The following AKAP7 variants were observed in gnomAD, a reference collection of about 807,000 sequenced individuals.
AKAP7 encodes the protein A-kinase anchoring protein 7.
A neutral mutation model predicts 39.5 loss-of-function variants in AKAP7; 39 were observed. The observed-to-expected ratio is 0.99, with a 90% confidence interval of 0.76 to 1.29. The LOEUF is 1.29. Ranked by LOEUF, AKAP7 falls within the 50% of genes most tolerant of loss-of-function variation. The pLI is 0.00. For missense variants in AKAP7, 414 were observed against 407.7 expected (o/e 1.02, Z -0.13); for synonymous variants, 140 against 139.1 (o/e 1.01, Z -0.05).
upstream of AKAP7, among the ~76,000 whole-genome samples, chr6:131,133,843 G>A (rs116858925): frequency 2.0e-5 from 3 of 152,358 alleles, no homozygotes; most frequent in Non-Finnish European, 2.9e-5. Flanking sequence ...AAAGTGTGGA[G>A]AGGCTAGACA....
intron 7 of AKAP7, among the ~76,000 whole-genome samples, chr6:131,229,185 A>G (rs985398347): frequency 3.3e-5 from 5 of 152,240 alleles, no homozygotes; most frequent in African/African-American, 1.2e-4. Context: ...TTGCAAATAA[A>G]CAAGTAAACC....
intron 7 of AKAP7, among the ~76,000 whole-genome samples, chr6:131,240,983 G>A (rs1201882782): frequency 6.6e-6 from 1 of 152,190 alleles, no homozygotes; most frequent in African/African-American, 2.4e-5. Context: ...TCAGTTGGAA[G>A]TGCAGAAATC....
intron 2 of AKAP7, among the ~76,000 whole-genome samples, chr6:131,153,103 C>T (rs1391582028): frequency 1.4e-5 from 2 of 145,616 alleles, no homozygotes; most frequent in African/African-American, 2.6e-5. Flanking sequence ...GCACTCCAGC[C>T]TGGACGACAG....
intron 6 of AKAP7, among the ~76,000 whole-genome samples, chr6:131,219,289 CA>C (rs755215493): frequency 0.064 from 4,627 of 72,612 alleles, 168 homozygotes; most frequent in East Asian, 0.27. Flanking sequence ...CACTCCATTT[CA>C]AAAAAAAAAA....
chr6:131,169,944 TC>T lies in AKAP7; in HGVS notation c.589+672del, dbSNP rs537849668. Among the ~76,000 whole-genome samples the T allele has an allele frequency of 7.3e-4, 111 of 152,060 alleles. 1 individual carries two copies. The highest frequency in any genetic ancestry group is 1.4e-3 in the Non-Finnish European group (93 of 67,988). On this transcript the variant is annotated intron_variant, in intron 5 of 7. Transcript: ENST00000431975. ...ACTTTTATCTGTGTTTTTTTTTCTT[TC>T]TATCTATTATTCCTTCTTTGCTTTT... is the stretch of plus-strand genomic sequence containing the variant.
At chr6:131,199,371 G>A (rs1455540071) in intron 5 of AKAP7, 90 bp from the exon 6 acceptor site, 1 of 839,456 alleles carries the variant, frequency 1.2e-6, no homozygotes, top group Non-Finnish European at 1.9e-6. Context: ...AAAATAATTA[G>A]TGATTGTTTG....
intron 2 of AKAP7, among the ~76,000 whole-genome samples, chr6:131,153,143 A>AAAG (rs1554382800): frequency 1.3e-5 from 2 of 151,428 alleles, no homozygotes; most frequent in Non-Finnish European, 2.9e-5. Context: ...AAAAAAAAAA[A>AAAG]AGAGAGAGAG....
At chr6:131,251,365 C>T (rs1447871417) in intron 7 of AKAP7, among the ~76,000 whole-genome samples, 2 of 152,112 alleles carry the variant, frequency 1.3e-5, no homozygotes, top group South Asian at 2.1e-4. Context: ...CTAGTTGCCC[C>T]GAAATAGGGA....
chr6:131,282,424 CTTAA>C lies in AKAP7; in HGVS notation c.*704_*707del, dbSNP rs1311598302. On this transcript the variant is annotated 3_prime_UTR_variant, in exon 8 of 8. Coordinates refer to ENST00000431975, the MANE Select transcript of AKAP7 (RefSeq NM_016377.4). ...GCAAGAAACCTATTGGAATTCGAGA[CTTAA>C]TTAATGAAGCTTTGCATCGAGAAAC... The C allele has an allele frequency of 1.1e-5, 16 of 1,510,666 alleles. No homozygotes were observed. The highest frequency in any genetic ancestry group is 8.3e-5 in the African/African-American group (6 of 72,242). The allele number at this position is 1,510,666 out of a possible 1,614,324, so 93.6% of individuals were successfully genotyped here. A position where few individuals can be genotyped will look rare whatever the true frequency, so the allele number is the denominator to read the frequency against.
chr6:131,183,444 A>G (rs1805488016), intron 5 of AKAP7, among the ~76,000 whole-genome samples: 2 of 152,200 alleles, frequency 1.3e-5, no homozygotes, highest in Non-Finnish European at 2.9e-5. Context: ...AGGTCCAGGA[A>G]GAACAAAAAG....
At chr6:131,254,147 A>C (rs1283833475) in intron 7 of AKAP7, among the ~76,000 whole-genome samples, 2 of 152,220 alleles carry the variant, frequency 1.3e-5, no homozygotes, top group African/African-American at 2.4e-5. Context: ...TCACCACAGT[A>C]AGTAGAATAC....
Position 131,244,834 on chromosome 6 carries a change from T to C in AKAP7, c.850+25026T>C, listed in dbSNP as rs574715046. Among the ~76,000 whole-genome samples, 70 of 150,844 alleles carry C rather than the reference T, an allele frequency of 4.6e-4. 1 individual carries two copies. The highest frequency in any genetic ancestry group is 1.6e-3 in the African/African-American group (68 of 41,456). ...TTATGCTTTTATGGCTTCTGTTTTATAGAAAAAAAAATTCTCTTTCCATTT... is the reference window on the plus strand; with the variant it reads ...TTATGCTTTTATGGCTTCTGTTTTACAGAAAAAAAAATTCTCTTTCCATTT... On this transcript the variant is annotated intron_variant, in intron 7 of 7. Transcript: ENST00000431975.
At chr6:131,250,750 C>G (rs1812381869) in intron 7 of AKAP7, 1 of 807,850 alleles carries the variant, frequency 1.2e-6, no homozygotes, top group South Asian at 1.8e-5. Context: ...ATGTGTGTTT[C>G]TTAAAGGGAC....
intron 5 of AKAP7, among the ~76,000 whole-genome samples, chr6:131,181,528 AACT>A (rs535868154): frequency 1.3e-5 from 2 of 152,090 alleles, no homozygotes; most frequent in Non-Finnish European, 2.9e-5. Flanking sequence ...TAAAGCACAA[AACT>A]AAGCATTTTT....
At chr6:131,158,474 T>C (rs78518160) in intron 2 of AKAP7, among the ~76,000 whole-genome samples, 2,540 of 152,316 alleles carry the variant, frequency 0.017, 34 homozygotes, top group Non-Finnish European at 0.026. Flanking sequence ...TATCTGAATT[T>C]TCACAAAGTC....
intron 5 of AKAP7, among the ~76,000 whole-genome samples, chr6:131,185,686 T>C (rs1259047733): frequency 6.6e-6 from 1 of 152,262 alleles, no homozygotes; most frequent in Non-Finnish European, 1.5e-5. Flanking sequence ...TCTTTTGTTG[T>C]TGATTTGAAG....
At chr6:131,241,626 T>TGTGTATATATAC (rs1562238185) in intron 7 of AKAP7, among the ~76,000 whole-genome samples, 2 of 135,654 alleles carry the variant, frequency 1.5e-5, no homozygotes, top group Admixed American at 7.2e-5. Context: ...TGTGTGTGTG[T>TGTGTATATATAC]GTATATATAT....
intron 7 of AKAP7, among the ~76,000 whole-genome samples, chr6:131,228,079 G>A (rs1264064717): frequency 1.3e-5 from 2 of 152,206 alleles, no homozygotes; most frequent in African/African-American, 4.8e-5. Context: ...TTTACCCTTA[G>A]GGGCCAGGGC....
chr6:131,239,498 G>C (rs1441951077), intron 7 of AKAP7, among the ~76,000 whole-genome samples: 1 of 152,200 alleles, frequency 6.6e-6, no homozygotes, highest in Non-Finnish European at 1.5e-5. Context: ...ATCCTGCAGA[G>C]TGTTTTCCAA....
Sources: allele counts gnomAD v4.1 joint callset (sites outside exome capture counted in the v4.1 genomes callset), GRCh38; gene constraint gnomAD v4.1.1; transcripts MANE v1.5; gene names NCBI Gene and HGNC (gene_info 2026-07-23, HGNC 2026-07-21).